The following KLHL32 variants were observed in gnomAD, a reference collection of about 807,000 sequenced individuals.
The protein encoded by KLHL32 is kelch like family member 32.
KLHL32 carries 35 observed loss-of-function variants against 64.8 expected under a neutral mutation model. The observed-to-expected ratio is 0.54, with a 90% CI of 0.41 to 0.72. KLHL32 has a LOEUF of 0.72. Among genes scored for constraint, KLHL32 ranks in the 30% least tolerant of loss-of-function variants. KLHL32 has a pLI of 0.00. For missense variants in KLHL32, 589 were observed against 768.5 expected (o/e 0.77, Z 2.76); for synonymous variants, 259 against 281.0 (o/e 0.92, Z 0.78).
chr6:97,066,798 A>T (rs952778852), intron 5 of KLHL32, among the ~76,000 whole-genome samples: 2 of 152,132 alleles, frequency 1.3e-5, no homozygotes, highest in African/African-American at 4.8e-5. Flanking sequence ...CTCCATAGCT[A>T]TATCTATTTG....
intron 6 of KLHL32, among the ~76,000 whole-genome samples, chr6:97,103,707 T>C (rs1796047793): frequency 6.6e-6 from 1 of 152,232 alleles, no homozygotes; most frequent in African/African-American, 2.4e-5. Flanking sequence ...CCCACGTGCA[T>C]GTGCACTTTC....
chr6:97,112,533 A>G (rs111448419), intron 6 of KLHL32, among the ~76,000 whole-genome samples: 9,113 of 150,758 alleles, frequency 0.06, 841 homozygotes, highest in African/African-American at 0.2. Flanking sequence ...TGTAAGCTCC[A>G]CCTCCCGGGT....
intron 3 of KLHL32, among the ~76,000 whole-genome samples, chr6:96,991,729 A>C (rs1344995643): frequency 6.6e-6 from 1 of 152,138 alleles, no homozygotes; most frequent in Non-Finnish European, 1.5e-5. Context: ...TCAGAGCAGC[A>C]AAAGTAGTAG....
At chr6:96,951,062 T>C (rs981970794) in intron 1 of KLHL32, among the ~76,000 whole-genome samples, 6 of 152,232 alleles carry the variant, frequency 3.9e-5, no homozygotes, top group Admixed American at 3.3e-4. Flanking sequence ...GTTAGAACTG[T>C]GACCTGATCT....
chr6:97,118,059 C>A (rs561704603), intron 7 of KLHL32, among the ~76,000 whole-genome samples: 2 of 152,236 alleles, frequency 1.3e-5, no homozygotes, highest in East Asian at 3.9e-4. Flanking sequence ...CCTCTAGGAG[C>A]TGGCAATCAA....
At chr6:96,951,014 C>T (rs1377414120) in intron 1 of KLHL32, among the ~76,000 whole-genome samples, 3 of 152,152 alleles carry the variant, frequency 2.0e-5, no homozygotes, top group Non-Finnish European at 4.4e-5. Context: ...AAAAGTACTT[C>T]TCACAAAACG....
At chr6:97,027,250 C>T (rs1782856851) in intron 3 of KLHL32, among the ~76,000 whole-genome samples, 1 of 151,874 alleles carries the variant, frequency 6.6e-6, no homozygotes, top group Admixed American at 6.6e-5. Context: ...TGTTTTAGTA[C>T]TTGTCTGCTC....
At chr6:96,902,928 T>C in the KLHL32 span, among the ~76,000 whole-genome samples, 3 of 152,190 alleles carry the variant, frequency 2.0e-5, no homozygotes, top group Non-Finnish European at 4.4e-5. Flanking sequence ...GGGTTCCTCT[T>C]TTCTGTTCCA....
At chr6:96,992,576 TGAGA>T (rs1450205593) in intron 3 of KLHL32, among the ~76,000 whole-genome samples, 3 of 152,140 alleles carry the variant, frequency 2.0e-5, no homozygotes, top group Non-Finnish European at 4.4e-5. Flanking sequence ...TGTGTATGTG[TGAGA>T]GAGAGAGGGG....
intron 5 of KLHL32, among the ~76,000 whole-genome samples, chr6:97,082,730 A>G (rs1582964838): frequency 6.6e-6 from 1 of 152,196 alleles, no homozygotes; most frequent in South Asian, 2.1e-4. Flanking sequence ...GGCAGTTGGG[A>G]AAATGAATTC....
chr6:96,960,755 A>G (rs1397408012), intron 1 of KLHL32, among the ~76,000 whole-genome samples: 2 of 152,224 alleles, frequency 1.3e-5, no homozygotes, highest in Non-Finnish European at 2.9e-5. Flanking sequence ...GCATCAGTCA[A>G]TCATGTAAGA....
chr6:96,974,848 T>C (rs928287160), intron 2 of KLHL32, among the ~76,000 whole-genome samples: 1 of 151,850 alleles, frequency 6.6e-6, no homozygotes, highest in Non-Finnish European at 1.5e-5. Context: ...GAGGGAGGGG[T>C]TGGATACAGG....
chr6:96,984,449 T>C (rs942410767), intron 3 of KLHL32, among the ~76,000 whole-genome samples: 18 of 152,214 alleles, frequency 1.2e-4, no homozygotes, highest in South Asian at 8.3e-4. Flanking sequence ...AACTGTCTCA[T>C]TGATCTGTCT....
chr6:96,976,471 G>A (rs545606412), intron 3 of KLHL32, among the ~76,000 whole-genome samples: 2 of 152,300 alleles, frequency 1.3e-5, no homozygotes, highest in East Asian at 3.9e-4. Context: ...ATGTGGGGGT[G>A]CAGACTGGAG....
intron 7 of KLHL32, among the ~76,000 whole-genome samples, chr6:97,122,620 T>C (rs1023075199): frequency 4.6e-5 from 7 of 152,192 alleles, no homozygotes; most frequent in Admixed American, 6.5e-5. Flanking sequence ...AGCGTGAAGT[T>C]ATAGTCTTTC....
At chr6:97,111,867 C>T (rs1025514987) in intron 6 of KLHL32, among the ~76,000 whole-genome samples, 1 of 152,082 alleles carries the variant, frequency 6.6e-6, no homozygotes, top group Admixed American at 6.5e-5. Flanking sequence ...TCTGGCCATC[C>T]CCTGTTGGAC....
chr6:96,945,212 T>C (rs1184138440), intron 1 of KLHL32, among the ~76,000 whole-genome samples: 1 of 152,260 alleles, frequency 6.6e-6, no homozygotes, highest in Non-Finnish European at 1.5e-5. Context: ...CACATGGCTG[T>C]GCCAGCCCTT....
chr6:97,017,313 G>A (rs1414312260), intron 3 of KLHL32, among the ~76,000 whole-genome samples: 1 of 152,230 alleles, frequency 6.6e-6, no homozygotes, highest in African/African-American at 2.4e-5. Flanking sequence ...AGATAGCATA[G>A]CTAATTTCAG....
chr6:96,939,784 T>C (rs1405361937), intron 1 of KLHL32, among the ~76,000 whole-genome samples: 3 of 152,028 alleles, frequency 2.0e-5, no homozygotes, highest in Non-Finnish European at 2.9e-5. Context: ...ATTGTAATGA[T>C]GAAGTGGCAG....
Sources: gnomAD v4.1 joint callset for allele counts (sites outside exome capture counted in the v4.1 genomes callset) on GRCh38, gnomAD v4.1.1 for gene constraint, MANE v1.5 for transcripts, NCBI Gene and HGNC (gene_info 2026-07-23, HGNC 2026-07-21) for gene names.